Variants in SYTL3 observed in about 807,000 individuals in gnomAD.
SYTL3 encodes the protein synaptotagmin like 3.
SYTL3 carries 88 observed loss-of-function variants against 82.1 expected under a neutral mutation model. The ratio of observed to expected loss-of-function variants is 1.07; its 90% confidence interval spans 0.90 to 1.28. SYTL3 has a LOEUF of 1.28. Ranked by LOEUF, SYTL3 falls within the 50% of genes most tolerant of loss-of-function variation. SYTL3 has a pLI of 0.00. For missense variants in SYTL3, 831 were observed against 757.6 expected, an observed-to-expected ratio of 1.10 and a Z score of -1.14; for synonymous variants, 311 against 289.4, an observed-to-expected ratio of 1.07 and a Z score of -0.76.
intron 11 of SYTL3, among the ~76,000 whole-genome samples, chr6:158,744,065 C>T (rs1047958541): frequency 2.6e-5 from 4 of 151,536 alleles, no homozygotes; most frequent in African/African-American, 4.9e-5. Context: ...ATTACAGGTA[C>T]GCGCCACTTG....
chr6:158,741,430 T>C (rs554663477), intron 11 of SYTL3, among the ~76,000 whole-genome samples: 1 of 152,292 alleles, frequency 6.6e-6, no homozygotes, highest in Admixed American at 6.5e-5. Context: ...TGGAGAAGAA[T>C]TGGGCTCCTT....
chr6:158,717,140 G>GAC, intron 9 of SYTL3, among the ~76,000 whole-genome samples: 1 of 151,030 alleles, frequency 6.6e-6, no homozygotes, highest in South Asian at 2.1e-4. Flanking sequence ...CGGGCGTGGT[G>GAC]ACACACACCT....
intron 13 of SYTL3, among the ~76,000 whole-genome samples, chr6:158,753,094 T>C (rs1788597913): frequency 6.7e-6 from 1 of 149,132 alleles, no homozygotes; most frequent in South Asian, 2.1e-4. Context: ...TTTTTTTTTT[T>C]TTTGAGATGG....
intron 6 of SYTL3, among the ~76,000 whole-genome samples, chr6:158,704,178 T>G (rs2128447400): frequency 6.6e-6 from 1 of 152,148 alleles, no homozygotes; most frequent in South Asian, 2.1e-4. Context: ...ATAATCTTTG[T>G]GACACATTCA....
chr6:158,690,816 C>T (rs1025129970), intron 6 of SYTL3, among the ~76,000 whole-genome samples: 17 of 152,206 alleles, frequency 1.1e-4, no homozygotes, highest in African/African-American at 3.1e-4. Context: ...GTAGTACATT[C>T]GAATTATCAA....
intron 9 of SYTL3, among the ~76,000 whole-genome samples, chr6:158,714,698 T>A (rs1783159698): frequency 6.6e-6 from 1 of 152,226 alleles, no homozygotes; most frequent in Admixed American, 6.5e-5. Context: ...ATGTCCTTAG[T>A]GTGCTCAAGG....
chr6:158,663,563 A>G (rs1185786233), intron 4 of SYTL3, 185 bp downstream of exon 4: 4 of 985,268 alleles, frequency 4.1e-6, no homozygotes, highest in Non-Finnish European at 4.8e-6. Context: ...CTAAACGTAG[A>G]GGACGCTCAG....
At chr6:158,761,143 A>T (rs1789862519) in intron 15 of SYTL3, among the ~76,000 whole-genome samples, 1 of 152,104 alleles carries the variant, frequency 6.6e-6, no homozygotes, top group African/African-American at 2.4e-5. Context: ...GCCCCCAGGC[A>T]TGTGGGTAGC....
At chr6:158,698,042 G>A (rs886992119) in intron 6 of SYTL3, among the ~76,000 whole-genome samples, 21 of 152,232 alleles carry the variant, frequency 1.4e-4, no homozygotes, top group African/African-American at 4.8e-4. Context: ...TTCATCCTGG[G>A]ACAGTGGCTT....
At chr6:158,724,693 T>G (rs1048430302) in intron 10 of SYTL3, among the ~76,000 whole-genome samples, 5 of 152,208 alleles carry the variant, frequency 3.3e-5, no homozygotes, top group African/African-American at 1.2e-4. Context: ...GACTACCATA[T>G]TGGAAAACAC....
At chr6:158,734,094 CA>C (rs560547617) in intron 11 of SYTL3, among the ~76,000 whole-genome samples, 9,940 of 74,316 alleles carry the variant, frequency 0.13, 258 homozygotes, top group African/African-American at 0.21. Flanking sequence ...GACCCTGTCT[CA>C]AAAAAAAAAA....
At chr6:158,656,208 A>G (rs1203275850) in intron 2 of SYTL3, among the ~76,000 whole-genome samples, 1 of 152,018 alleles carries the variant, frequency 6.6e-6, no homozygotes, top group Non-Finnish European at 1.5e-5. Context: ...TCCAATCCTC[A>G]CACAACTCCC....
At chr6:158,730,897 A>T (rs1785317759) in intron 11 of SYTL3, among the ~76,000 whole-genome samples, 1 of 152,148 alleles carries the variant, frequency 6.6e-6, no homozygotes, top group Non-Finnish European at 1.5e-5. Flanking sequence ...GGGGCGGTGA[A>T]GTATTCCTTA....
At chr6:158,700,761 T>C (rs1026457323) in intron 6 of SYTL3, among the ~76,000 whole-genome samples, 14 of 152,206 alleles carry the variant, frequency 9.2e-5, no homozygotes, top group East Asian at 3.9e-4. Context: ...GGACTACAGG[T>C]GCCCGCCACC....
rs561053825 is a variant in SYTL3 at position 158,698,396 on chromosome 6, C to CAA, written c.395-8818_395-8817dup. Among the ~76,000 whole-genome samples the CAA allele has an allele frequency of 5.1e-3, 574 of 113,170 alleles. 7 individuals carry two copies. The highest frequency in any genetic ancestry group is 8.2e-3 in the African/African-American group (248 of 30,234). The allele number at this position is 113,170 out of a possible 152,430, so 74.2% of individuals were successfully genotyped here. ...TGGGTGACAGAGTGAGACTCTGTCT[C>CAA]AAAAAAAAAAAAAAAAAGGCTCTGG... On this transcript the variant is annotated intron_variant, in intron 6 of 17. Coordinates refer to ENST00000611299, the MANE Select transcript of SYTL3 (RefSeq NM_001242394.2).
At chr6:158,736,609 T>C (rs1786208369) in intron 11 of SYTL3, among the ~76,000 whole-genome samples, 1 of 151,536 alleles carries the variant, frequency 6.6e-6, no homozygotes, top group African/African-American at 2.4e-5. Context: ...ACCAACATGG[T>C]GAAACCCCAT....
chr6:158,757,639 C>T (rs1374634093), intron 14 of SYTL3, among the ~76,000 whole-genome samples: 3 of 152,208 alleles, frequency 2.0e-5, no homozygotes, highest in Admixed American at 2.0e-4. Flanking sequence ...CAGACTGGAT[C>T]AGGTCCTGTG....
At chr6:158,731,843 T>C (rs1488483412) in intron 11 of SYTL3, among the ~76,000 whole-genome samples, 1 of 152,224 alleles carries the variant, frequency 6.6e-6, no homozygotes, top group African/African-American at 2.4e-5. Context: ...TCCACCCACC[T>C]TGGCCTTCCA....
At chr6:158,688,543 G>T (rs372140750) in intron 6 of SYTL3, among the ~76,000 whole-genome samples, 1 of 152,118 alleles carries the variant, frequency 6.6e-6, no homozygotes, top group Non-Finnish European at 1.5e-5. Flanking sequence ...CAGGAGGATC[G>T]CTTGAGCCCA....
Sources: gnomAD v4.1 joint callset for allele counts (sites outside exome capture counted in the v4.1 genomes callset) on GRCh38, gnomAD v4.1.1 for gene constraint, MANE v1.5 for transcripts, NCBI Gene and HGNC (gene_info 2026-07-23, HGNC 2026-07-21) for gene names.